Variants in AGBL1 observed in about 807,000 individuals in gnomAD.
The protein encoded by AGBL1 is cytosolic carboxypeptidase 4.
AGBL1 carries 130 observed loss-of-function variants against 118.9 expected under a neutral mutation model. The observed-to-expected ratio is 1.09, with a 90% CI of 0.95 to 1.26. The LOEUF is 1.26. AGBL1 is among the 50% of genes most tolerant of loss of function. The probability of loss-of-function intolerance (pLI) is 0.00; values close to 1 mark genes in which losing one functional copy is unlikely to be tolerated. For missense variants in AGBL1, 1,584 were observed against 1,298.1 expected, an observed-to-expected ratio of 1.22 and a Z score of -3.38; for synonymous variants, 555 against 478.9, an observed-to-expected ratio of 1.16 and a Z score of -2.08.
chr15:86,709,624 G>T (rs1461633601), intron 22 of AGBL1, among the ~76,000 whole-genome samples: 1 of 152,020 alleles, frequency 6.6e-6, no homozygotes, highest in Non-Finnish European at 1.5e-5. Context: ...CCAAAGAATA[G>T]CCAACACAAT....
At chr15:86,157,499 C>A (rs1056499576) in intron 4 of AGBL1, among the ~76,000 whole-genome samples, 1 of 152,104 alleles carries the variant, frequency 6.6e-6, no homozygotes, top group Non-Finnish European at 1.5e-5. Flanking sequence ...CAGCTGAGTT[C>A]TGAGAAGTCC....
intron 18 of AGBL1, among the ~76,000 whole-genome samples, chr15:86,401,798 A>T (rs1284876079): frequency 6.6e-6 from 1 of 152,136 alleles, no homozygotes; most frequent in Non-Finnish European, 1.5e-5. Context: ...ATTTTGTTCC[A>T]TTGGTCTACA....
intron 21 of AGBL1, among the ~76,000 whole-genome samples, chr15:86,572,634 C>G (rs891682309): frequency 1.3e-5 from 2 of 152,186 alleles, no homozygotes; most frequent in Non-Finnish European, 2.9e-5. Flanking sequence ...AGGAGTGGGT[C>G]CTGCCCAGTC....
At chr15:86,237,565 T>G (rs1365455738) in intron 6 of AGBL1, among the ~76,000 whole-genome samples, 1 of 152,138 alleles carries the variant, frequency 6.6e-6, no homozygotes, top group Non-Finnish European at 1.5e-5. Flanking sequence ...CACAGCAAAG[T>G]CAAACCAGGT....
intron 23 of AGBL1, among the ~76,000 whole-genome samples, chr15:86,973,206 T>G (rs547611756): frequency 6.6e-6 from 1 of 152,018 alleles, no homozygotes; most frequent in Non-Finnish European, 1.5e-5. Context: ...TAGTTGTTAT[T>G]ATTCCTTGTT....
At chr15:86,870,867 T>G (rs2079718098) in intron 22 of AGBL1, among the ~76,000 whole-genome samples, 1 of 152,198 alleles carries the variant, frequency 6.6e-6, no homozygotes, top group Non-Finnish European at 1.5e-5. Flanking sequence ...TTTGGCCAGT[T>G]GGCTACAGAA....
In AGBL1 at chr15:86,477,908, G is replaced by T. The variant is rs540378993; in HGVS notation, c.2556-44902G>T. Among the ~76,000 whole-genome samples the T allele has an allele frequency of 1.4e-4, 22 of 152,226 alleles. No homozygotes were observed. The South Asian group carries it at 4.4e-3, about 30-fold the overall frequency. ...CATGATCAAGTGGGCTTCATCCCTG[G>T]GATGCAAGGCTGATTCAACATACGC... On this transcript the variant is annotated intron_variant, in intron 18 of 22. Coordinates refer to ENST00000614907, the MANE Select transcript of AGBL1 (RefSeq NM_001386094.1).
At chr15:86,276,970 T>C (rs1258363658) in intron 15 of AGBL1, among the ~76,000 whole-genome samples, 1 of 152,060 alleles carries the variant, frequency 6.6e-6, no homozygotes, top group African/African-American at 2.4e-5. Flanking sequence ...CAGAGGAAGG[T>C]GTGCTGGAAG....
chr15:86,442,652 T>G (rs977050624), intron 18 of AGBL1, among the ~76,000 whole-genome samples: 3 of 152,174 alleles, frequency 2.0e-5, no homozygotes, highest in Non-Finnish European at 4.4e-5. Context: ...GGGAAAGAAC[T>G]AGATATAATA....
chr15:86,631,621 A>G (rs1327970463), intron 21 of AGBL1, among the ~76,000 whole-genome samples: 1 of 152,144 alleles, frequency 6.6e-6, no homozygotes, highest in African/African-American at 2.4e-5. Context: ...CATGAGATGT[A>G]TGGGGCAGCC....
intron 22 of AGBL1, among the ~76,000 whole-genome samples, chr15:86,700,661 T>C (rs2086342372): frequency 2.0e-5 from 3 of 152,182 alleles, no homozygotes; most frequent in Admixed American, 6.6e-5. Flanking sequence ...GACCAAAAAA[T>C]AGAAATGATA....
intron 24 of AGBL1, among the ~76,000 whole-genome samples, chr15:87,022,484 TG>T (rs1385909187): frequency 6.6e-6 from 1 of 152,066 alleles, no homozygotes; most frequent in Non-Finnish European, 1.5e-5. Flanking sequence ...TAAGAATAAT[TG>T]GTGCTCCAGA....
chr15:86,994,689 T>A (rs188387617), intron 24 of AGBL1, among the ~76,000 whole-genome samples: 26 of 152,354 alleles, frequency 1.7e-4, no homozygotes, highest in African/African-American at 6.3e-4. Flanking sequence ...TAAAGAAAAG[T>A]TGCTTTCAAA....
chr15:86,219,795 T>C (rs1364675953), intron 5 of AGBL1, among the ~76,000 whole-genome samples: 1 of 152,070 alleles, frequency 6.6e-6, no homozygotes, highest in Non-Finnish European at 1.5e-5. Flanking sequence ...ATCTAACCTT[T>C]TGATCTCCAC....
At chr15:86,850,068 G>A (rs2079383565) in intron 22 of AGBL1, among the ~76,000 whole-genome samples, 1 of 152,162 alleles carries the variant, frequency 6.6e-6, no homozygotes, top group African/African-American at 2.4e-5. Context: ...ATGTGCTGGT[G>A]TGTTGCTCAA....
At chr15:86,631,385 T>A (rs1321439804) in intron 21 of AGBL1, among the ~76,000 whole-genome samples, 1 of 152,106 alleles carries the variant, frequency 6.6e-6, no homozygotes. Context: ...TTAGCAACAG[T>A]CTTAAGGGGT....
intron 18 of AGBL1, among the ~76,000 whole-genome samples, chr15:86,425,331 T>C (rs2081853756): frequency 1.3e-5 from 2 of 151,518 alleles, no homozygotes; most frequent in African/African-American, 2.4e-5. Flanking sequence ...TAAGTGGGAG[T>C]TGAGCCATGA....
intron 21 of AGBL1, among the ~76,000 whole-genome samples, chr15:86,585,568 G>A (rs959951654): frequency 1.3e-5 from 2 of 151,996 alleles, no homozygotes; most frequent in Non-Finnish European, 2.9e-5. Flanking sequence ...GTTTCACTAT[G>A]TTTCCCAGGC....
At chr15:86,539,371 A>G (rs2083465092) in intron 19 of AGBL1, among the ~76,000 whole-genome samples, 1 of 152,104 alleles carries the variant, frequency 6.6e-6, no homozygotes, top group Non-Finnish European at 1.5e-5. Context: ...ACTCTCACAA[A>G]ACTTCTTTTC....
Sources: allele counts gnomAD v4.1 joint callset (sites outside exome capture counted in the v4.1 genomes callset), GRCh38; gene constraint gnomAD v4.1.1; transcripts MANE v1.5; gene names NCBI Gene and HGNC (gene_info 2026-07-23, HGNC 2026-07-21).